NCKAP5: variants seen among roughly 807,000 people sequenced by gnomAD.
The protein encoded by NCKAP5 is nck-associated protein 5.
NCKAP5 carries 92 observed loss-of-function variants against 167.0 expected under a neutral mutation model. That is an observed-to-expected ratio of 0.55 (90% CI 0.47 to 0.66). The LOEUF is 0.66. NCKAP5 is among the 30% of genes least tolerant of loss of function. The pLI, the probability that NCKAP5 is intolerant of heterozygous loss-of-function variation, is 0.00. For missense variants in NCKAP5, 2,378 were observed against 2,315.0 expected (o/e 1.03, Z -0.56); for synonymous variants, 891 against 877.4 (o/e 1.02, Z -0.27).
At chr2:133,272,688 C>T (rs2089566679) in intron 4 of NCKAP5, among the ~76,000 whole-genome samples, 1 of 152,100 alleles carries the variant, frequency 6.6e-6, no homozygotes, top group South Asian at 2.1e-4. Context: ...TTTATTTACC[C>T]CCAAAAAGTA....
At chr2:133,209,171 A>T (rs914773474) in intron 5 of NCKAP5, among the ~76,000 whole-genome samples, 2 of 151,966 alleles carry the variant, frequency 1.3e-5, no homozygotes, top group African/African-American at 2.4e-5. Flanking sequence ...AATATTGAAG[A>T]CAACACTGAA....
intron 15 of NCKAP5, among the ~76,000 whole-genome samples, chr2:132,777,879 G>T (rs1249996836): frequency 6.6e-6 from 1 of 151,498 alleles, no homozygotes; most frequent in South Asian, 2.1e-4. Context: ...TGTGACACTG[G>T]GTAAAGAGAA....
In NCKAP5 at chr2:132,707,489, C is replaced by T. The variant is rs779614515; in HGVS notation, c.5713+18138G>A. Among the ~76,000 whole-genome samples, 6 of 152,154 alleles carry T rather than the reference C, an allele frequency of 3.9e-5. No individual in the cohort carries two copies. In the South Asian group the frequency reaches 8.3e-4, roughly 21 times the overall value. On this transcript the variant is annotated intron_variant, in intron 19 of 19. Transcript: ENST00000409261. ...GGACTGTGCTAGGCTTGGAGCCAGT[C>T]GACTGTAGGGGCATGTGAGCTACTG...
At chr2:133,174,775 C>T (rs2084389626) in intron 5 of NCKAP5, among the ~76,000 whole-genome samples, 1 of 150,316 alleles carries the variant, frequency 6.7e-6, no homozygotes, top group Admixed American at 6.7e-5. Flanking sequence ...GTTCATTTTA[C>T]TCTACAAGAA....
At chr2:133,457,389 C>T (rs62177693) in intron 3 of NCKAP5, among the ~76,000 whole-genome samples, 20,060 of 152,140 alleles carry the variant, frequency 0.13, 1,550 homozygotes, top group Middle Eastern at 0.26. Context: ...CCACTGAGAA[C>T]TCTTTCTCAT....
chr2:133,014,683 T>C (rs552103787), intron 6 of NCKAP5, among the ~76,000 whole-genome samples: 1 of 152,326 alleles, frequency 6.6e-6, no homozygotes, highest in South Asian at 2.1e-4. Flanking sequence ...GGTGCTGTGG[T>C]CTTATCACAA....
intron 5 of NCKAP5, among the ~76,000 whole-genome samples, chr2:133,207,825 G>C (rs1199006641): frequency 1.3e-5 from 2 of 152,098 alleles, no homozygotes; most frequent in Non-Finnish European, 1.5e-5. Context: ...AGGAAGAAGA[G>C]ACAAACATCC....
At chr2:133,131,069 T>C (rs2082586354) in intron 5 of NCKAP5, among the ~76,000 whole-genome samples, 1 of 152,208 alleles carries the variant, frequency 6.6e-6, no homozygotes. Flanking sequence ...CCATGCACTA[T>C]GGATTAAATA....
At chr2:132,887,317 T>TCTA (rs1372800013) in intron 8 of NCKAP5, among the ~76,000 whole-genome samples, 4 of 73,500 alleles carry the variant, frequency 5.4e-5, no homozygotes, top group Admixed American at 3.3e-4. Context: ...GCAACTTTTA[T>TCTA]TTTATCTATC....
chr2:133,522,242 C>A (rs1461970826), intron 2 of NCKAP5, among the ~76,000 whole-genome samples: 1 of 152,160 alleles, frequency 6.6e-6, no homozygotes, highest in African/African-American at 2.4e-5. Context: ...TAAGAAAGGG[C>A]ACCAGCAATG....
At chr2:132,947,082 G>C (rs1172209493) in intron 8 of NCKAP5, among the ~76,000 whole-genome samples, 1 of 152,172 alleles carries the variant, frequency 6.6e-6, no homozygotes, top group Non-Finnish European at 1.5e-5. Context: ...GTTTTGAATA[G>C]TTTCTTATTT....
At chr2:133,514,331 C>T (rs1404844025) in intron 3 of NCKAP5, among the ~76,000 whole-genome samples, 1 of 152,180 alleles carries the variant, frequency 6.6e-6, no homozygotes, top group Non-Finnish European at 1.5e-5. Context: ...CCAGGGCACA[C>T]ACACATGGAC....
chr2:133,449,527 A>C lies in NCKAP5; in HGVS notation c.69+67931T>G, dbSNP rs75054540. The stretch of plus-strand genomic sequence containing the variant: ...AAAATCAGATATCTCTGAAATTCGA[A>C]ATAGTTGGACTTTTGGGTCCTTTTC... On this transcript the variant is annotated intron_variant, in intron 3 of 19. Coordinates refer to ENST00000409261, the MANE Select transcript of NCKAP5 (RefSeq NM_207363.3). Among the ~76,000 whole-genome samples the C allele has an allele frequency of 3.3e-4, 50 of 152,312 alleles. No individual in the cohort carries two copies. The East Asian group carries it at 9.1e-3, about 28-fold the overall frequency.
chr2:133,085,148 G>A (rs2080944249), intron 6 of NCKAP5, among the ~76,000 whole-genome samples: 1 of 152,122 alleles, frequency 6.6e-6, no homozygotes, highest in South Asian at 2.1e-4. Context: ...CTTGGATTAG[G>A]AAAATAACAT....
intron 19 of NCKAP5, among the ~76,000 whole-genome samples, chr2:132,721,092 G>A (rs1484202955): frequency 5.9e-5 from 9 of 151,358 alleles, no homozygotes; most frequent in African/African-American, 1.2e-4. Context: ...GGCAGATCAC[G>A]AGGTCAGGAG....
At chr2:133,418,748 T>C (rs1689281000) in intron 3 of NCKAP5, among the ~76,000 whole-genome samples, 1 of 152,180 alleles carries the variant, frequency 6.6e-6, no homozygotes, top group African/African-American at 2.4e-5. Context: ...CTCCATGAAA[T>C]CTTCAAATAA....
chr2:133,641,606 C>T, the NCKAP5 span, among the ~76,000 whole-genome samples: 1 of 152,244 alleles, frequency 6.6e-6, no homozygotes, highest in Admixed American at 6.5e-5. Flanking sequence ...CTGATGAAGG[C>T]AAGCACGTGG....
chr2:133,669,810 G>A, the NCKAP5 span, among the ~76,000 whole-genome samples: 1 of 152,126 alleles, frequency 6.6e-6, no homozygotes, highest in African/African-American at 2.4e-5. Flanking sequence ...CTTCATCCCT[G>A]CAGAATTAGT....
At chr2:133,582,255 C>T in the NCKAP5 span, among the ~76,000 whole-genome samples, 2 of 152,176 alleles carry the variant, frequency 1.3e-5, no homozygotes, top group Non-Finnish European at 2.9e-5. Context: ...AACCCCAGAC[C>T]TACTGCATCA....
Sources: gnomAD v4.1 joint callset for allele counts (sites outside exome capture counted in the v4.1 genomes callset) on GRCh38, gnomAD v4.1.1 for gene constraint, MANE v1.5 for transcripts, NCBI Gene and HGNC (gene_info 2026-07-23, HGNC 2026-07-21) for gene names.